Variants in FAT3 observed in about 807,000 individuals in gnomAD.
The protein encoded by FAT3 is protocadherin Fat 3.
A neutral mutation model predicts 310.2 loss-of-function variants in FAT3; 95 were observed. The observed-to-expected ratio is 0.31, with a 90% CI of 0.26 to 0.36. The LOEUF (loss-of-function observed/expected upper bound fraction) is 0.36. Among genes scored for constraint, FAT3 ranks in the 10% least tolerant of loss-of-function variants. The pLI is 1.00. For missense variants in FAT3, 5,408 were observed against 5,715.6 expected (o/e 0.95, Z 1.74); for synonymous variants, 2,314 against 2,192.9 (o/e 1.06, Z -1.54).
chr11:92,696,988 T>C (rs1943960855), intron 3 of FAT3, among the ~76,000 whole-genome samples: 1 of 152,234 alleles, frequency 6.6e-6, no homozygotes, highest in African/African-American at 2.4e-5. Flanking sequence ...TACTGTTTCA[T>C]AGTCTGAATC....
At chr11:92,522,298 C>T (rs1396668702) in intron 2 of FAT3, among the ~76,000 whole-genome samples, 1 of 152,094 alleles carries the variant, frequency 6.6e-6, no homozygotes, top group Non-Finnish European at 1.5e-5. Context: ...ACAAAACTGT[C>T]CATGGTGTCT....
chr11:92,791,863 G>C (rs534881112), intron 8 of FAT3, among the ~76,000 whole-genome samples: 2 of 152,230 alleles, frequency 1.3e-5, no homozygotes, highest in South Asian at 4.1e-4. Context: ...CTTTAAAACT[G>C]CCAAGCAAGG....
At chr11:92,788,247 G>A (rs1359337815) in intron 7 of FAT3, among the ~76,000 whole-genome samples, 2 of 152,076 alleles carry the variant, frequency 1.3e-5, no homozygotes, top group Non-Finnish European at 2.9e-5. Flanking sequence ...GGCTCCTACA[G>A]GCCAAGGTAG....
At chr11:92,491,001 T>C (rs2135236079) in intron 2 of FAT3, among the ~76,000 whole-genome samples, 1 of 152,144 alleles carries the variant, frequency 6.6e-6, no homozygotes, top group African/African-American at 2.4e-5. Context: ...AATTCTCTTC[T>C]GTGAAGAGGA....
chr11:92,890,382 G>A, intron 27 of FAT3, 109 bp from the exon 28 acceptor site: 1 of 1,330,430 alleles, frequency 7.5e-7, no homozygotes, highest in Non-Finnish European at 1.0e-6. Flanking sequence ...GCTTCTTAGG[G>A]TTTCTTGGAT....
At chr11:92,229,489 C>CTTTTTTTTTTTTTTTTTTTTTTT (rs1565339181) in intron 1 of FAT3, among the ~76,000 whole-genome samples, 9 of 48,658 alleles carry the variant, frequency 1.8e-4, no homozygotes, top group East Asian at 3.6e-4. Flanking sequence ...TTTGTTTTTT[C>CTTTTTTTTTTTTTTTTTTTTTTT]GTGTTTTTTT....
At chr11:92,758,411 CA>C (rs1264855536) in intron 4 of FAT3, among the ~76,000 whole-genome samples, 1 of 152,180 alleles carries the variant, frequency 6.6e-6, no homozygotes, top group East Asian at 1.9e-4. Flanking sequence ...TAGAATGAGT[CA>C]GGTATATTCC....
At chr11:92,726,707 A>G (rs1469260109) in intron 4 of FAT3, among the ~76,000 whole-genome samples, 1 of 151,776 alleles carries the variant, frequency 6.6e-6, no homozygotes, top group Non-Finnish European at 1.5e-5. Flanking sequence ...GACCTTAAAA[A>G]CAGCTAAAGA....
chr11:92,290,602 A>G (rs995789664), intron 1 of FAT3, among the ~76,000 whole-genome samples: 1 of 151,680 alleles, frequency 6.6e-6, no homozygotes, highest in African/African-American at 2.4e-5. Context: ...ACACACACAC[A>G]AAAATACAAA....
At chr11:92,882,671 G>C (rs1949699221) in intron 23 of FAT3, 67 bp from the exon 24 acceptor site, 1 of 1,388,778 alleles carries the variant, frequency 7.2e-7, no homozygotes, top group Non-Finnish European at 9.5e-7. Flanking sequence ...GTGTTTTCTC[G>C]AGTTCCCGTA....
At position 92,589,814 on chromosome 11, in the gene FAT3, A is replaced by G. The variant is rs193135816; in HGVS notation, c.3607+64866A>G. On this transcript the variant is annotated intron_variant, in intron 3 of 27. Coordinates refer to ENST00000525166, the MANE Select transcript of FAT3 (RefSeq NM_001367949.2). Reference sequence around the variant, plus strand: ...TATTGTGAGGCTGCTGTCTACTTCTATATCAAGCACTGTTTGTCATAAAGG... The same window carrying G: ...TATTGTGAGGCTGCTGTCTACTTCTGTATCAAGCACTGTTTGTCATAAAGG... Among the ~76,000 whole-genome samples the G allele has an allele frequency of 3.0e-4, 45 of 152,220 alleles. 2 individuals carry two copies. Among genetic ancestry groups the G allele is most frequent in the South Asian group, 2.7e-3 (13 of 4,830 alleles).
In FAT3 at chr11:92,569,282, G is replaced by A. The variant is rs552989970; in HGVS notation, c.3607+44334G>A. 4.6e-5 allele frequency among the ~76,000 whole-genome samples: 7 copies of A among 152,256 alleles called. No homozygotes were observed. The South Asian group carries it at 1.5e-3, about 32-fold the overall frequency. On this transcript the variant is annotated intron_variant, in intron 3 of 27. Transcript: ENST00000525166. ...AGATAACAAGCGTACCTATTTTATA[G>A]CATTGCTGTGAGGTGGGAATGATGT...
At chr11:92,379,936 T>TA (rs745538011) in intron 2 of FAT3, among the ~76,000 whole-genome samples, 56 of 152,010 alleles carry the variant, frequency 3.7e-4, no homozygotes, top group Non-Finnish European at 7.4e-4. Context: ...GTAGATGAGG[T>TA]AAAAAATCAA....
intron 1 of FAT3, among the ~76,000 whole-genome samples, chr11:92,349,136 A>G (rs192245694): frequency 6.6e-6 from 1 of 152,266 alleles, no homozygotes; most frequent in East Asian, 1.9e-4. Context: ...CGGCAAAATT[A>G]CTGTTACAGG....
Position 92,566,733 on chromosome 11 carries a change from G to A in FAT3, c.3607+41785G>A, listed in dbSNP as rs554562324. 2.4e-3 allele frequency among the ~76,000 whole-genome samples: 366 copies of A among 151,924 alleles called. 4 individuals are homozygous for A. Among genetic ancestry groups the A allele is most frequent in the Non-Finnish European group, 3.3e-3 (225 of 67,994 alleles). ...GAACAGAGCCCTCAGAAATAACACC[G>A]TATATGTACAACTATCTGATCTTTG... is the stretch of plus-strand genomic sequence containing the variant. On this transcript the variant is annotated intron_variant, in intron 3 of 27. Coordinates refer to ENST00000525166, the MANE Select transcript of FAT3 (RefSeq NM_001367949.2).
At chr11:92,273,487 C>T (rs1946184579) in intron 1 of FAT3, among the ~76,000 whole-genome samples, 1 of 152,070 alleles carries the variant, frequency 6.6e-6, no homozygotes, top group South Asian at 2.1e-4. Flanking sequence ...ACTGAATTGC[C>T]ATTTAATGGG....
At chr11:92,548,203 T>A (rs1369664358) in intron 3 of FAT3, among the ~76,000 whole-genome samples, 1 of 152,188 alleles carries the variant, frequency 6.6e-6, no homozygotes, top group Non-Finnish European at 1.5e-5. Context: ...TGGTGACTTG[T>A]TACTTAGCTT....
intron 4 of FAT3, among the ~76,000 whole-genome samples, chr11:92,719,753 TG>T (rs1944807309): frequency 6.6e-6 from 1 of 151,722 alleles, no homozygotes; most frequent in African/African-American, 2.4e-5. Flanking sequence ...TGTGTGTGTG[TG>T]TGTGTGTGTG....
intron 2 of FAT3, among the ~76,000 whole-genome samples, chr11:92,407,621 G>C (rs1214484342): frequency 6.6e-6 from 1 of 152,004 alleles, no homozygotes; most frequent in Non-Finnish European, 1.5e-5. Context: ...ATCTAATGTA[G>C]GCACCTAATT....
Sources: gnomAD v4.1 joint callset for allele counts (sites outside exome capture counted in the v4.1 genomes callset) on GRCh38, gnomAD v4.1.1 for gene constraint, MANE v1.5 for transcripts, NCBI Gene and HGNC (gene_info 2026-07-23, HGNC 2026-07-21) for gene names.